The following SLC6A2 variants were observed in gnomAD, a reference collection of about 807,000 sequenced individuals.
The protein encoded by SLC6A2 is solute carrier family 6 member 2, also known as sodium-dependent noradrenaline transporter.
A neutral mutation model predicts 71.7 loss-of-function variants in SLC6A2; 26 were observed. The observed-to-expected ratio is 0.36, with a 90% CI of 0.27 to 0.50. SLC6A2 has a LOEUF of 0.50. SLC6A2 is among the 20% of genes least tolerant of loss of function. The pLI is 0.96. For synonymous variants in SLC6A2, 363 were observed against 337.9 expected (o/e 1.07, Z -0.82); for missense variants, 581 against 803.9 (o/e 0.72, Z 3.35).
chr16:55,685,240 T>C lies in SLC6A2; in HGVS notation c.742T>C (p.Leu248=). Residue 248 remains leucine (L), a synonymous_variant, in exon 5 of 15, where the codon TTG becomes CTG. Transcript: ENST00000568943. ...CTGTCTGATGGTCGTCGTCATCGTC[T>C]TGTATTTTAGCCTCTGGAAAGGGGT... is the stretch of plus-strand genomic sequence containing the variant. ...LLCLMVVVIV[L]YFSLWKGVKT... The C allele has an allele frequency of 1.2e-6, 2 of 1,614,160 alleles. No homozygotes were observed. Among genetic ancestry groups the C allele is most frequent in the Non-Finnish European group, 1.7e-6 (2 of 1,179,974 alleles).
At chr16:55,682,043 A>C (rs550019603) in intron 4 of SLC6A2, among the ~76,000 whole-genome samples, 8 of 152,304 alleles carry the variant, frequency 5.3e-5, no homozygotes, top group Non-Finnish European at 1.2e-4. Context: ...AGTAGCTGGG[A>C]TTACAGGCAT....
chr16:55,662,441 C>G (rs185051700), intron 2 of SLC6A2, among the ~76,000 whole-genome samples: 100 of 152,282 alleles, frequency 6.6e-4, no homozygotes, highest in African/African-American at 2.3e-3. Flanking sequence ...TCATGATATG[C>G]TGCAGATCTC....
At chr16:55,688,054 G>C (rs1357337868) in intron 5 of SLC6A2, among the ~76,000 whole-genome samples, 16 of 152,362 alleles carry the variant, frequency 1.1e-4, no homozygotes, top group African/African-American at 3.8e-4. Context: ...CCACTAAGCA[G>C]GCATGCCACA....
chr16:55,665,283 G>C (rs1162494413), intron 2 of SLC6A2, among the ~76,000 whole-genome samples: 1 of 152,186 alleles, frequency 6.6e-6, no homozygotes, highest in Non-Finnish European at 1.5e-5. Flanking sequence ...ACCTTTAAAT[G>C]TGTCGAAGTG....
At position 55,703,432 on chromosome 16, in the gene SLC6A2, T is replaced by G. The variant is rs777458218; in HGVS notation, c.*1086T>G. ...GTTGGCTGCAAAAACTCTCATGCAC[T>G]AGATGTGGCACCTTGGAGGGCAGGG... is the stretch of plus-strand genomic sequence containing the variant. On this transcript the variant is annotated 3_prime_UTR_variant, in exon 15 of 15. Coordinates refer to ENST00000568943, the MANE Select transcript of SLC6A2 (RefSeq NM_001172501.3). 87 of 985,272 alleles carry G rather than the reference T, an allele frequency of 8.8e-5. No homozygotes were observed. The highest frequency in any genetic ancestry group is 1.0e-4 in the Non-Finnish European group (84 of 829,962). 61.0% of individuals were successfully genotyped at this position (985,272 alleles called of 1,614,324 possible). A position where few individuals can be genotyped will look rare whatever the true frequency, so the allele number is the denominator to read the frequency against.
At chr16:55,659,227 T>C (rs1317699294) in intron 2 of SLC6A2, among the ~76,000 whole-genome samples, 5 of 152,198 alleles carry the variant, frequency 3.3e-5, no homozygotes, top group Admixed American at 2.6e-4. Context: ...GTCATGCTGC[T>C]AGAAGTTCTT....
rs569486776 is a variant in SLC6A2, at chr16:55,700,388, G to C, written c.1758+82G>C. 7.2e-5 allele frequency: 92 copies of C among 1,276,642 alleles called. No homozygotes were observed. The African/African-American group carries it at 1.2e-3, about 17-fold the overall frequency. The allele number at this position is 1,276,642 out of a possible 1,614,324, so 79.1% of individuals were successfully genotyped here. On this transcript the variant is annotated intron_variant, in intron 13 of 14. Transcript: ENST00000568943. ...GGACGACTCTCATTCCTGTTGGGGT[G>C]GGGGAAGGGACAGAAGGACACAGAC...
chr16:55,668,401 T>C (rs59187393), intron 2 of SLC6A2, among the ~76,000 whole-genome samples: 4,870 of 152,292 alleles, frequency 0.032, 198 homozygotes, highest in African/African-American at 0.086. Flanking sequence ...TGGTATCCAT[T>C]GTTAATATTG....
At chr16:55,696,038 G>A (rs1411897939) in intron 8 of SLC6A2, among the ~76,000 whole-genome samples, 187 bp from the exon 9 acceptor site, 2 of 152,202 alleles carry the variant, frequency 1.3e-5, no homozygotes, top group Admixed American at 6.5e-5. Context: ...CAGACTGGCT[G>A]TTGGGGGTCA....
chr16:55,678,497 T>C (rs950223989), intron 4 of SLC6A2, among the ~76,000 whole-genome samples: 1 of 152,216 alleles, frequency 6.6e-6, no homozygotes, highest in East Asian at 1.9e-4. Context: ...TTTAGGCTGA[T>C]GGACTGAGCA....
chr16:55,683,447 A>G (rs1389321716), intron 4 of SLC6A2, among the ~76,000 whole-genome samples: 1 of 152,104 alleles, frequency 6.6e-6, no homozygotes, highest in East Asian at 1.9e-4. Flanking sequence ...CACTATCTCT[A>G]CTAAAAATAC....
In SLC6A2 at chr16:55,702,546, G is replaced by A. The variant is rs1966004841; in HGVS notation, c.*200G>A. ...TGTGCATCTGGCCTGGGGGCTGTTAGCTCAGAGGAGAGGAGCAAACAGGAA... is the reference window on the plus strand; with the variant it reads ...TGTGCATCTGGCCTGGGGGCTGTTAACTCAGAGGAGAGGAGCAAACAGGAA... On this transcript the variant is annotated 3_prime_UTR_variant, in exon 15 of 15. Transcript: ENST00000568943. The A allele has an allele frequency of 6.8e-7, 1 of 1,480,050 alleles. No individual in the cohort carries two copies. Among genetic ancestry groups the A allele is most frequent in the African/African-American group, 1.4e-5 (1 of 71,412 alleles). The allele number at this position is 1,480,050 out of a possible 1,614,324, so 91.7% of individuals were successfully genotyped here.
intron 4 of SLC6A2, among the ~76,000 whole-genome samples, chr16:55,675,916 T>C (rs1275134148): frequency 1.3e-5 from 2 of 152,120 alleles, no homozygotes; most frequent in Non-Finnish European, 2.9e-5. Flanking sequence ...ACTCTTTCCC[T>C]GCCATCTTGG....
At position 55,693,661 on chromosome 16, in the gene SLC6A2, A is replaced by G. The variant is rs113631227; in HGVS notation, c.919-349A>G. ...GAAAATGCCATCTCCGTAACTCCTA[A>G]GATGGCCATAACCCTCTGTTCTTGC... On this transcript the variant is annotated intron_variant, in intron 6 of 14. Coordinates refer to ENST00000568943, the MANE Select transcript of SLC6A2 (RefSeq NM_001172501.3). Among the ~76,000 whole-genome samples the G allele has an allele frequency of 8.3e-3, 1,269 of 152,356 alleles. 8 individuals carry two copies. Among genetic ancestry groups the G allele is most frequent in the Non-Finnish European group, 0.014 (942 of 68,028 alleles).
At chr16:55,684,511 T>C (rs1312928197) in intron 4 of SLC6A2, among the ~76,000 whole-genome samples, 4 of 152,230 alleles carry the variant, frequency 2.6e-5, no homozygotes, top group Admixed American at 6.5e-5. Context: ...AAGCCTATCT[T>C]CAGCTTTAGT....
chr16:55,685,846 T>A (rs562459238), intron 5 of SLC6A2, among the ~76,000 whole-genome samples: 1 of 152,262 alleles, frequency 6.6e-6, no homozygotes, highest in South Asian at 2.1e-4. Context: ...AGATGACCCA[T>A]GAGGGCCAGT....
intron 13 of SLC6A2, among the ~76,000 whole-genome samples, chr16:55,700,956 CTT>C (rs1253314287): frequency 5.9e-5 from 9 of 152,090 alleles, no homozygotes; most frequent in African/African-American, 2.2e-4. Context: ...TTAAAATATC[CTT>C]TCTTTCATAA....
chr16:55,672,244 A>G, intron 4 of SLC6A2, 69 bp downstream of exon 4: 1 of 1,613,624 alleles, frequency 6.2e-7, no homozygotes. Flanking sequence ...CCAAACACTA[A>G]GGAAAGTCAC....
chr16:55,700,264 C>T lies in SLC6A2; in HGVS notation c.1716C>T (p.Tyr572=), dbSNP rs777144471. 5.0e-6 allele frequency: 8 copies of T among 1,614,020 alleles called. No individual in the cohort carries two copies. Among genetic ancestry groups the T allele is most frequent in the East Asian group, 2.2e-5 (1 of 44,854 alleles). Residue 572 remains tyrosine (Y), a synonymous_variant, in exon 13 of 15, where the codon TAC becomes TAT. Coordinates refer to ENST00000568943, the MANE Select transcript of SLC6A2 (RefSeq NM_001172501.3). Reference sequence around the variant, plus strand: ...CCTCCATGGTCCTGGTGCCCATCTACGTCATCTATAAGTTCCTCAGCACGC... The same window carrying T: ...CCTCCATGGTCCTGGTGCCCATCTATGTCATCTATAAGTTCCTCAGCACGC... ...ALSSMVLVPI[Y]VIYKFLSTQG...
Sources: gnomAD v4.1 joint callset for allele counts (sites outside exome capture counted in the v4.1 genomes callset) on GRCh38, gnomAD v4.1.1 for gene constraint, MANE v1.5 for transcripts, NCBI Gene and HGNC (gene_info 2026-07-23, HGNC 2026-07-21) for gene names.